PCCA: variants seen among roughly 807,000 people sequenced by gnomAD.
PCCA encodes propionyl-CoA carboxylase subunit alpha, also known as propionyl-CoA carboxylase alpha chain, mitochondrial.
A neutral mutation model predicts 101.3 loss-of-function variants in PCCA; 74 were observed. The ratio of observed to expected loss-of-function variants is 0.73; its 90% CI spans 0.61 to 0.89. The LOEUF is 0.89. PCCA is among the 40% of genes least tolerant of loss of function. The pLI is 0.00. For missense variants in PCCA, 891 were observed against 907.0 expected (o/e 0.98, Z 0.23); for synonymous variants, 294 against 313.6 (o/e 0.94, Z 0.66).
chr13:100,221,414 C>T (rs952452748), intron 7 of PCCA, among the ~76,000 whole-genome samples: 2 of 152,144 alleles, frequency 1.3e-5, no homozygotes, highest in African/African-American at 4.8e-5. Context: ...GAACATGTGT[C>T]TGTGGGTAAT....
intron 10 of PCCA, among the ~76,000 whole-genome samples, chr13:100,267,803 T>G (rs1254158726): frequency 1.3e-5 from 2 of 152,224 alleles, no homozygotes; most frequent in Admixed American, 1.3e-4. Context: ...AATGATTTTT[T>G]AAAATCACTG....
At chr13:100,165,114 A>G (rs546499241) in intron 6 of PCCA, among the ~76,000 whole-genome samples, 2 of 152,278 alleles carry the variant, frequency 1.3e-5, no homozygotes, top group South Asian at 4.1e-4. Flanking sequence ...GGCTGTTGTG[A>G]ATAATGCTGC....
At chr13:100,298,473 C>T (rs2065738286) in intron 12 of PCCA, among the ~76,000 whole-genome samples, 2 of 152,210 alleles carry the variant, frequency 1.3e-5, no homozygotes, top group Admixed American at 6.5e-5. Flanking sequence ...CATCAGACTT[C>T]TGTAGTTACA....
chr13:100,260,685 C>T (rs566186543), intron 9 of PCCA, among the ~76,000 whole-genome samples: 1 of 152,184 alleles, frequency 6.6e-6, no homozygotes, highest in South Asian at 2.1e-4. Context: ...GTGTGAGCCA[C>T]TGCACTTGGC....
At chr13:100,250,303 CTATT>C (rs2152545473) in intron 8 of PCCA, among the ~76,000 whole-genome samples, 1 of 152,122 alleles carries the variant, frequency 6.6e-6, no homozygotes, top group African/African-American at 2.4e-5. Context: ...TTTTCTGCAT[CTATT>C]TATATGATCA....
intron 21 of PCCA, among the ~76,000 whole-genome samples, chr13:100,477,691 G>T (rs140919757): frequency 2.6e-5 from 4 of 152,118 alleles, no homozygotes; most frequent in Non-Finnish European, 5.9e-5. Context: ...GACAGTATAC[G>T]GTAGGGAAAT....
chr13:100,488,622 TTTTTTGTTTTGTTTTTTTTTTG>T (rs925612114), intron 21 of PCCA, among the ~76,000 whole-genome samples: 8 of 123,988 alleles, frequency 6.5e-5, no homozygotes, highest in African/African-American at 1.3e-4. Context: ...CAAGTTTTGT[TTTTTTGTTTTGTTTTTTTTTTG>T]TTTTTTTTTT....
intron 18 of PCCA, among the ~76,000 whole-genome samples, chr13:100,347,819 T>C (rs1001848544): frequency 6.6e-6 from 1 of 152,196 alleles, no homozygotes; most frequent in Non-Finnish European, 1.5e-5. Context: ...TTGTTCATTT[T>C]TGGTGAGTTT....
chr13:100,291,797 C>T (rs976570433), intron 12 of PCCA, among the ~76,000 whole-genome samples: 3 of 152,176 alleles, frequency 2.0e-5, no homozygotes, highest in African/African-American at 7.2e-5. Flanking sequence ...GCAAAGAGAC[C>T]ACGGACCCAT....
intron 19 of PCCA, among the ~76,000 whole-genome samples, chr13:100,400,591 T>C (rs1489182208): frequency 6.7e-6 from 1 of 150,102 alleles, no homozygotes; most frequent in African/African-American, 2.5e-5. Context: ...GTGATAATTT[T>C]AGGTGTAATA....
intron 16 of PCCA, among the ~76,000 whole-genome samples, chr13:100,316,665 C>G (rs1367324744): frequency 1.3e-5 from 2 of 152,120 alleles, no homozygotes; most frequent in Non-Finnish European, 2.9e-5. Flanking sequence ...TTGGTTCCAC[C>G]TATTTTAACA....
intron 4 of PCCA, among the ~76,000 whole-genome samples, chr13:100,116,513 G>C (rs2048815278): frequency 6.6e-6 from 1 of 152,298 alleles, no homozygotes; most frequent in South Asian, 2.1e-4. Context: ...GTTTACCTCT[G>C]TTGGTCCCTT....
At chr13:100,428,594 G>A (rs2079334464) in intron 20 of PCCA, among the ~76,000 whole-genome samples, 1 of 151,992 alleles carries the variant, frequency 6.6e-6, no homozygotes, top group Admixed American at 6.6e-5. Flanking sequence ...ATAATTACCT[G>A]TCATTCATGC....
intron 19 of PCCA, among the ~76,000 whole-genome samples, chr13:100,387,525 A>G (rs2076577313): frequency 6.6e-6 from 1 of 152,202 alleles, no homozygotes; most frequent in African/African-American, 2.4e-5. Context: ...AGAACATCCA[A>G]AAGTAACCTG....
chr13:100,442,660 G>A (rs2080464533), intron 20 of PCCA, among the ~76,000 whole-genome samples: 1 of 152,172 alleles, frequency 6.6e-6, no homozygotes, highest in Non-Finnish European at 1.5e-5. Context: ...CTTCCAGCAG[G>A]GGGAAGTAGA....
rs2067844076 is a variant in PCCA at position 100,320,021 on chromosome 13, C to G, written c.1429+10113C>G. ...TTTTGTTGAGCAGTGTTTTGTAGTT[C>G]TGTTTGAAGAGATCCTTCACATCCC... On this transcript the variant is annotated intron_variant, in intron 16 of 23. Transcript: ENST00000376285. Among the ~76,000 whole-genome samples the G allele has an allele frequency of 1.3e-5, 2 of 152,128 alleles. 1 individual carries two copies. Among genetic ancestry groups the G allele is most frequent in the Non-Finnish European group, 2.9e-5 (2 of 68,026 alleles).
At chr13:100,389,169 C>T (rs971104797) in intron 19 of PCCA, among the ~76,000 whole-genome samples, 3 of 151,916 alleles carry the variant, frequency 2.0e-5, no homozygotes, top group Admixed American at 6.6e-5. Flanking sequence ...ATGTATGTAG[C>T]GGAGGCCCCG....
chr13:100,512,527 C>G (rs958961412), intron 21 of PCCA, among the ~76,000 whole-genome samples: 2 of 152,168 alleles, frequency 1.3e-5, no homozygotes, highest in African/African-American at 2.4e-5. Flanking sequence ...CCTTCCTAAG[C>G]CAGCGGAGTG....
At chr13:100,476,094 A>G (rs1372651188) in intron 21 of PCCA, among the ~76,000 whole-genome samples, 1 of 152,178 alleles carries the variant, frequency 6.6e-6, no homozygotes, top group Admixed American at 6.5e-5. Context: ...TCCTATGCTC[A>G]TTCTCTCTCT....
Sources: allele counts gnomAD v4.1 joint callset (sites outside exome capture counted in the v4.1 genomes callset), GRCh38; gene constraint gnomAD v4.1.1; transcripts MANE v1.5; gene names NCBI Gene and HGNC (gene_info 2026-07-23, HGNC 2026-07-21).